Variants in IL1R1 observed in about 807,000 individuals in gnomAD.
IL1R1 encodes the protein interleukin 1 receptor type 1, also known as interleukin-1 receptor type 1.
In IL1R1, 22 loss-of-function variants were observed where a neutral mutation model predicts 50.2. The ratio of observed to expected loss-of-function variants is 0.44; its 90% CI spans 0.31 to 0.63. The LOEUF (loss-of-function observed/expected upper bound fraction) is 0.63, where lower values mean the gene tolerates loss of function less well. Among genes scored for constraint, IL1R1 ranks in the 20% least tolerant of loss-of-function variants. IL1R1 has a pLI of 0.07. For missense variants in IL1R1, 509 were observed against 676.2 expected (o/e 0.75, Z 2.74); for synonymous variants, 251 against 236.7 (o/e 1.06, Z -0.55).
chr2:102,173,212 A>G (rs1685839981), intron 9 of IL1R1, among the ~76,000 whole-genome samples: 1 of 152,214 alleles, frequency 6.6e-6, no homozygotes, highest in African/African-American at 2.4e-5. Flanking sequence ...TAGGTCTGGT[A>G]CATTGTGGGT....
chr2:102,074,953 TCTAA>T (rs1482952518), intron 1 of IL1R1, among the ~76,000 whole-genome samples: 1 of 152,310 alleles, frequency 6.6e-6, no homozygotes, highest in African/African-American at 2.4e-5. Context: ...TCATTAATTA[TCTAA>T]CTCATTGAAT....
chr2:102,091,755 C>T (rs147252224), intron 1 of IL1R1, among the ~76,000 whole-genome samples: 3 of 152,278 alleles, frequency 2.0e-5, no homozygotes, highest in African/African-American at 7.2e-5. Context: ...ACCCATTGAC[C>T]AAGCTCTCTT....
At chr2:102,108,474 G>T (rs1004753229) in intron 1 of IL1R1, among the ~76,000 whole-genome samples, 1 of 152,086 alleles carries the variant, frequency 6.6e-6, no homozygotes, top group Non-Finnish European at 1.5e-5. Context: ...CAAAGACGGG[G>T]TCCGGTTTCA....
In IL1R1 at chr2:102,088,420, C is replaced by CT. The variant is rs546684143; in HGVS notation, c.-84+17898dup. ...TGAACAGTGATATTTTTACAGGAATCTTTTTTTTTTTCCCCTGAGAACTAG... is the reference window on the plus strand; with the variant it reads ...TGAACAGTGATATTTTTACAGGAATCTTTTTTTTTTTTCCCCTGAGAACTAG... On this transcript the variant is annotated intron_variant, in intron 1 of 11. Transcript: ENST00000409929. Among the ~76,000 whole-genome samples the CT allele has an allele frequency of 4.8e-3, 716 of 148,100 alleles. 2 individuals carry two copies. The highest frequency in any genetic ancestry group is 0.014 in the Middle Eastern group (4 of 286).
At chr2:102,073,992 A>G (rs1678852369) in intron 1 of IL1R1, among the ~76,000 whole-genome samples, 1 of 152,176 alleles carries the variant, frequency 6.6e-6, no homozygotes, top group African/African-American at 2.4e-5. Flanking sequence ...CTCAGTCCCA[A>G]GGAGCTCTGC....
chr2:102,151,429 G>A (rs1242088087), intron 1 of IL1R1, among the ~76,000 whole-genome samples: 1 of 152,160 alleles, frequency 6.6e-6, no homozygotes, highest in Non-Finnish European at 1.5e-5. Flanking sequence ...AGGTAGGTAG[G>A]TGGATTCCTT....
intron 1 of IL1R1, among the ~76,000 whole-genome samples, chr2:102,088,409 T>C (rs1449133097): frequency 6.6e-6 from 1 of 152,146 alleles, no homozygotes; most frequent in African/African-American, 2.4e-5. Flanking sequence ...CAGTGATATT[T>C]TTACAGGAAT....
At chr2:102,154,672 G>GCTCCCCTGT (rs1390915839) in intron 2 of IL1R1, among the ~76,000 whole-genome samples, 1 of 152,086 alleles carries the variant, frequency 6.6e-6, no homozygotes, top group African/African-American at 2.4e-5. Flanking sequence ...GCTCTCCCTG[G>GCTCCCCTGT]CTCCCCTGTC....
intron 3 of IL1R1, among the ~76,000 whole-genome samples, chr2:102,158,943 C>T (rs558814647): frequency 1.3e-5 from 2 of 152,236 alleles, no homozygotes; most frequent in South Asian, 2.1e-4. Flanking sequence ...GAGAAGTAGA[C>T]AAATTTTGAA....
At chr2:102,128,443 C>A (rs1470197078) in intron 1 of IL1R1, among the ~76,000 whole-genome samples, 1 of 152,164 alleles carries the variant, frequency 6.6e-6, no homozygotes, top group East Asian at 1.9e-4. Context: ...GAATGTTTGG[C>A]AGGTAATGAT....
intron 1 of IL1R1, among the ~76,000 whole-genome samples, chr2:102,125,250 C>T (rs1681640235): frequency 1.3e-5 from 2 of 152,178 alleles, no homozygotes; most frequent in African/African-American, 4.8e-5. Flanking sequence ...CTTGCAACTC[C>T]CTTCATCATC....
chr2:102,175,725 A>G (rs1444943601), intron 11 of IL1R1, 80 bp downstream of exon 11: 2 of 1,326,146 alleles, frequency 1.5e-6, no homozygotes, highest in African/African-American at 1.4e-5. Flanking sequence ...TTTCTAGAAG[A>G]TCGTGGCATA....
chr2:102,144,824 G>T (rs955657516), intron 1 of IL1R1, among the ~76,000 whole-genome samples: 1 of 152,202 alleles, frequency 6.6e-6, no homozygotes, highest in African/African-American at 2.4e-5. Context: ...ATGTAGCTCT[G>T]TGGTTCCCTA....
chr2:102,118,636 C>T (rs148736365), intron 1 of IL1R1, among the ~76,000 whole-genome samples: 3 of 152,230 alleles, frequency 2.0e-5, no homozygotes, highest in East Asian at 3.9e-4. Context: ...GTGGGACACT[C>T]GGCTGGTGTC....
chr2:102,144,501 G>A (rs1469068440), intron 1 of IL1R1, among the ~76,000 whole-genome samples: 1 of 152,028 alleles, frequency 6.6e-6, no homozygotes, highest in Non-Finnish European at 1.5e-5. Flanking sequence ...GACATCTTTT[G>A]AGTCAACCTC....
At chr2:102,120,910 G>C (rs1224740917) in intron 1 of IL1R1, among the ~76,000 whole-genome samples, 3 of 152,158 alleles carry the variant, frequency 2.0e-5, no homozygotes, top group Non-Finnish European at 2.9e-5. Context: ...GGCACATGTG[G>C]TCCACATCCG....
chr2:102,142,575 C>T (rs1459275043), upstream of IL1R1: 1 of 152,048 alleles, frequency 6.6e-6, no homozygotes, highest in African/African-American at 2.4e-5. Context: ...TGCGGGCTAC[C>T]CGGGGCAGGG....
At chr2:102,092,701 A>T (rs1188340875) in intron 1 of IL1R1, among the ~76,000 whole-genome samples, 1 of 152,180 alleles carries the variant, frequency 6.6e-6, no homozygotes, top group Non-Finnish European at 1.5e-5. Context: ...TAATTCTTCT[A>T]GCAGTGAACT....
chr2:102,165,053 C>A (rs1357973118), intron 4 of IL1R1, 45 bp downstream of exon 4: 1 of 1,571,164 alleles, frequency 6.4e-7, no homozygotes, highest in Non-Finnish European at 8.7e-7. Context: ...TAGTTTCCTG[C>A]AGTTGTTAAG....
Sources: gnomAD v4.1 joint callset for allele counts (sites outside exome capture counted in the v4.1 genomes callset) on GRCh38, gnomAD v4.1.1 for gene constraint, MANE v1.5 for transcripts, NCBI Gene and HGNC (gene_info 2026-07-23, HGNC 2026-07-21) for gene names.